PRDX3: variants seen among roughly 807,000 people sequenced by gnomAD.
The protein encoded by PRDX3 is peroxiredoxin 3.
PRDX3 carries 20 observed loss-of-function variants against 30.4 expected under a neutral mutation model. That is an observed-to-expected ratio of 0.66 (90% CI 0.46 to 0.96). The LOEUF (loss-of-function observed/expected upper bound fraction) is 0.96, where lower values mean the gene tolerates loss of function less well. PRDX3 is among the 40% of genes least tolerant of loss of function. The pLI is 0.00. For synonymous variants in PRDX3, 124 were observed against 117.8 expected (o/e 1.05, Z -0.34); for missense variants, 322 against 318.3 (o/e 1.01, Z -0.09).
intron 2 of PRDX3, 29 bp downstream of exon 2, chr10:119,176,992 C>T (rs202170413): frequency 8.7e-6 from 14 of 1,613,182 alleles, no homozygotes; most frequent in Middle Eastern, 3.3e-4. Flanking sequence ...CTTTACCTGG[C>T]TCCAGCCAAG....
intron 4 of PRDX3, among the ~76,000 whole-genome samples, chr10:119,173,519 G>A (rs958314176): frequency 4.6e-5 from 7 of 151,692 alleles, no homozygotes; most frequent in Non-Finnish European, 8.8e-5. Context: ...TGAGGTAGGA[G>A]AATCGCTTGA....
chr10:119,178,567 T>TG (rs34058857), intron 1 of PRDX3, among the ~76,000 whole-genome samples, 188 bp downstream of exon 1: 2,059 of 151,586 alleles, frequency 0.014, 54 homozygotes, highest in East Asian at 0.094. Context: ...GAGGATGGAG[T>TG]GGGGAAGGGC....
intron 4 of PRDX3, among the ~76,000 whole-genome samples, chr10:119,172,990 G>C (rs1182695308): frequency 2.0e-5 from 3 of 151,980 alleles, no homozygotes; most frequent in Non-Finnish European, 4.4e-5. Context: ...CCAGGCTGGA[G>C]TGCAGTGGTG....
intron 5 of PRDX3, 93 bp from the exon 6 acceptor site, chr10:119,169,435 A>C (rs1408395820): frequency 1.9e-6 from 2 of 1,080,704 alleles, no homozygotes; most frequent in Non-Finnish European, 2.6e-6. Context: ...TCTCCTTTTA[A>C]TAAAATATTT....
chr10:119,176,477 T>G (rs866192907), intron 2 of PRDX3, among the ~76,000 whole-genome samples: 21 of 152,326 alleles, frequency 1.4e-4, no homozygotes, highest in Middle Eastern at 3.4e-3. Context: ...ACAAGGTATT[T>G]TCAAATACCA....
chr10:119,167,965 AAAT>A lies in PRDX3; in HGVS notation c.*512_*514del, dbSNP rs1387688734. 6.5e-6 allele frequency: 1 copy of A among 153,876 alleles called. No individual in the cohort carries two copies. Among genetic ancestry groups the A allele is most frequent in the Non-Finnish European group, 1.4e-5 (1 of 69,230 alleles). The allele number at this position is 153,876 out of a possible 1,614,324, so 9.5% of individuals were successfully genotyped here. On this transcript the variant is annotated 3_prime_UTR_variant, in exon 7 of 7. Transcript: ENST00000298510. ...AGTTAAGTCACTCTGCCACTTTTTA[AAAT>A]AATACGATTCACATTTGCTTCAATC...
At chr10:119,173,670 A>G in intron 4 of PRDX3, 67 bp downstream of exon 4, 1 of 1,536,646 alleles carries the variant, frequency 6.5e-7, no homozygotes, top group Non-Finnish European at 8.9e-7. Flanking sequence ...GTCCAGCAGC[A>G]TAGCTAGAAA....
chr10:119,178,608 G>A, intron 1 of PRDX3, 147 bp downstream of exon 1: 1 of 1,020,906 alleles, frequency 9.8e-7, no homozygotes, highest in Non-Finnish European at 1.5e-6. Flanking sequence ...AACCTTCCCG[G>A]AGGGAGGCCT....
chr10:119,171,401 G>GA, intron 5 of PRDX3, among the ~76,000 whole-genome samples: 1 of 152,218 alleles, frequency 6.6e-6, no homozygotes, highest in South Asian at 2.1e-4. Flanking sequence ...CACATCAAAG[G>GA]GGGATCCCCT....
At chr10:119,172,809 A>G (rs1036567815) in intron 4 of PRDX3, among the ~76,000 whole-genome samples, 1 of 152,182 alleles carries the variant, frequency 6.6e-6, no homozygotes, top group Non-Finnish European at 1.5e-5. Flanking sequence ...CGCTGTCACC[A>G]GGCTGGAATG....
intron 4 of PRDX3, 127 bp from the exon 5 acceptor site, chr10:119,172,612 GC>G: frequency 1.3e-6 from 1 of 787,636 alleles, no homozygotes; most frequent in Non-Finnish European, 2.2e-6. Flanking sequence ...GCCAAGCACT[GC>G]TTACTCTATT....
intron 1 of PRDX3, among the ~76,000 whole-genome samples, chr10:119,177,932 G>A (rs1316695880): frequency 6.8e-6 from 1 of 147,532 alleles, no homozygotes; most frequent in East Asian, 2.0e-4. Context: ...CCAGGCTAGA[G>A]TGCAGTGGCG....
rs531576167 is a variant in PRDX3, at chr10:119,175,496, C to T, written c.170-904G>A. 5.3e-5 allele frequency among the ~76,000 whole-genome samples: 8 copies of T among 152,214 alleles called. No individual in the cohort carries two copies. In the South Asian group the frequency reaches 1.5e-3, roughly 28 times the overall value. On this transcript the variant is annotated intron_variant, in intron 2 of 6. Coordinates refer to ENST00000298510, the MANE Select transcript of PRDX3 (RefSeq NM_006793.5). ...CTGCAAGCTCTGCCTCCTGGGTTCA[C>T]GCCATTCTCCGGCCTCAGCCTCCCG...
chr10:119,176,844 G>A (rs1413083283), intron 2 of PRDX3, among the ~76,000 whole-genome samples, 177 bp downstream of exon 2: 1 of 152,222 alleles, frequency 6.6e-6, no homozygotes, highest in Non-Finnish European at 1.5e-5. Flanking sequence ...GAATCACCCG[G>A]CACATCCTGG....
In PRDX3 at chr10:119,176,416, C is replaced by G. The variant is rs546865721; in HGVS notation, c.169+605G>C. Among the ~76,000 whole-genome samples, 7 of 152,264 alleles carry G rather than the reference C, an allele frequency of 4.6e-5. No homozygotes were observed. In the South Asian group the frequency reaches 1.5e-3, roughly 32 times the overall value. ...AAGGCTTTACTAAAGTATATCCCCACAAACCATTACATATTAAATACGGGC... is the reference window on the plus strand; with the variant it reads ...AAGGCTTTACTAAAGTATATCCCCAGAAACCATTACATATTAAATACGGGC... On this transcript the variant is annotated intron_variant, in intron 2 of 6. Transcript: ENST00000298510.
rs1848020265 is a variant in PRDX3 at position 119,176,126 on chromosome 10, C to T, written c.169+895G>A. Among the ~76,000 whole-genome samples, 3 of 151,992 alleles carry T rather than the reference C, an allele frequency of 2.0e-5. No homozygotes were observed. In the South Asian group the frequency reaches 6.2e-4, roughly 32 times the overall value. On this transcript the variant is annotated intron_variant, in intron 2 of 6. Coordinates refer to ENST00000298510, the MANE Select transcript of PRDX3 (RefSeq NM_006793.5). ...AGACGTATTGAGGGGAGGTATGGGG[C>T]AGAAAGAACAGAAAGGAATGGATGC...
intron 2 of PRDX3, 72 bp from the exon 3 acceptor site, chr10:119,174,664 T>C: frequency 2.2e-6 from 3 of 1,392,052 alleles, no homozygotes; most frequent in Non-Finnish European, 2.9e-6. Context: ...TATTTAAACT[T>C]CTCATAATTA....
intron 5 of PRDX3, among the ~76,000 whole-genome samples, 173 bp downstream of exon 5, chr10:119,172,208 GA>G (rs1189355187): frequency 3.9e-5 from 6 of 152,116 alleles, no homozygotes; most frequent in African/African-American, 4.8e-5. Context: ...GAACTCAAGT[GA>G]TCTTCCCGCC....
chr10:119,172,633 C>T (rs1206820834), intron 4 of PRDX3, 148 bp from the exon 5 acceptor site: 1 of 697,770 alleles, frequency 1.4e-6, no homozygotes, highest in African/African-American at 1.7e-5. Context: ...TAACCTACTG[C>T]CTCCTCGAAA....
Sources: gnomAD v4.1 joint callset for allele counts (sites outside exome capture counted in the v4.1 genomes callset) on GRCh38, gnomAD v4.1.1 for gene constraint, MANE v1.5 for transcripts, NCBI Gene and HGNC (gene_info 2026-07-23, HGNC 2026-07-21) for gene names.